LAMA2: variants seen among roughly 807,000 people sequenced by gnomAD.
The protein encoded by LAMA2 is laminin subunit alpha 2, also known as laminin subunit alpha-2.
Under a neutral mutation model 364.8 loss-of-function variants are expected in LAMA2, and 269 were observed. The ratio of observed to expected loss-of-function variants is 0.74; its 90% CI spans 0.67 to 0.82. LAMA2 has a LOEUF of 0.82. Ranked by LOEUF, LAMA2 falls within the 40% of genes least tolerant of loss-of-function variation. The pLI, the probability that LAMA2 is intolerant of heterozygous loss-of-function variation, is 0.00. For missense variants in LAMA2, 3,807 were observed against 3,873.2 expected, an observed-to-expected ratio of 0.98 and a Z score of 0.45; for synonymous variants, 1,379 against 1,370.6, an observed-to-expected ratio of 1.01 and a Z score of -0.14.
intron 40 of LAMA2, among the ~76,000 whole-genome samples, chr6:129,419,402 C>G (rs11154475): frequency 0.44 from 66,931 of 151,866 alleles, 14,918 homozygotes; most frequent in South Asian, 0.48. Flanking sequence ...TCGAAGCCCT[C>G]TAAGAATGGT....
chr6:128,953,813 T>C (rs1028422480), intron 1 of LAMA2, among the ~76,000 whole-genome samples: 1 of 152,100 alleles, frequency 6.6e-6, no homozygotes, highest in African/African-American at 2.4e-5. Flanking sequence ...TTTCCCCCTA[T>C]ACTGAGGGCA....
chr6:129,343,928 A>C (rs1353810874), intron 30 of LAMA2, among the ~76,000 whole-genome samples: 2 of 152,346 alleles, frequency 1.3e-5, no homozygotes, highest in Non-Finnish European at 1.5e-5. Flanking sequence ...TGCTTACAAA[A>C]TACAAGGCAT....
chr6:129,277,132 G>A (rs2114380726), intron 17 of LAMA2, among the ~76,000 whole-genome samples: 1 of 152,224 alleles, frequency 6.6e-6, no homozygotes, highest in South Asian at 2.1e-4. Context: ...TGTGTTTCCT[G>A]TGGCGTGGTT....
intron 58 of LAMA2, among the ~76,000 whole-genome samples, chr6:129,493,000 A>C (rs573594480): frequency 1.3e-5 from 2 of 152,168 alleles, no homozygotes; most frequent in African/African-American, 4.8e-5. Context: ...TCTAAAATAC[A>C]AAAAAATAGC....
rs781116183 is a variant in LAMA2 at position 129,403,944 on chromosome 6, T to G, written c.5850T>G (p.His1950Gln). 1.9e-6 allele frequency: 3 copies of G among 1,613,910 alleles called. No individual in the cohort carries two copies. Among genetic ancestry groups the G allele is most frequent in the Non-Finnish European group, 2.5e-6 (3 of 1,179,862 alleles). ...CCAAAGAAGCCAAAGATCTTGCACATGAAGCTACAAAACTGGTAAGAAACA... is the reference window on the plus strand; with the variant it reads ...CCAAAGAAGCCAAAGATCTTGCACAGGAAGCTACAAAACTGGTAAGAAACA... ...KVAKEAKDLA[H>Q]EATKLATGPR... is the part of the protein sequence containing the mutation. Residue 1950 changes from histidine to glutamine, a missense_variant, in exon 40 of 65, where the codon CAT (histidine) becomes CAG (glutamine). Around this residue, in one of 3 missense-constraint regions of LAMA2, gnomAD observed 3,333 missense variants for 3,345.7 expected, o/e 1.00. Transcript: ENST00000421865.
chr6:129,295,971 GT>G (rs1230101575), intron 20 of LAMA2, among the ~76,000 whole-genome samples: 1 of 151,672 alleles, frequency 6.6e-6, no homozygotes, highest in Non-Finnish European at 1.5e-5. Context: ...GTTTCTGTTT[GT>G]GTGTCTGGTG....
chr6:129,163,718 G>A (rs987655535), intron 8 of LAMA2, among the ~76,000 whole-genome samples: 3 of 152,206 alleles, frequency 2.0e-5, no homozygotes, highest in African/African-American at 7.2e-5. Context: ...ACTTTGGCCT[G>A]TAGACCAAAT....
chr6:129,243,882 G>A (rs1785560656), intron 12 of LAMA2, among the ~76,000 whole-genome samples: 1 of 151,536 alleles, frequency 6.6e-6, no homozygotes, highest in African/African-American at 2.4e-5. Flanking sequence ...AGGAGGAAGA[G>A]GAGAAGGAGA....
At chr6:129,274,960 A>G (rs1331330474) in intron 17 of LAMA2, among the ~76,000 whole-genome samples, 2 of 151,960 alleles carry the variant, frequency 1.3e-5, no homozygotes, top group Non-Finnish European at 2.9e-5. Flanking sequence ...TATATAATAA[A>G]ATATATTATT....
intron 1 of LAMA2, among the ~76,000 whole-genome samples, chr6:128,886,918 A>G (rs1022047497): frequency 6.6e-6 from 1 of 152,214 alleles, no homozygotes; most frequent in Non-Finnish European, 1.5e-5. Context: ...CTCTACTGAG[A>G]GGAAGTTAAG....
chr6:129,377,288 G>A (rs909163851), intron 34 of LAMA2, among the ~76,000 whole-genome samples: 1 of 151,930 alleles, frequency 6.6e-6, no homozygotes, highest in Non-Finnish European at 1.5e-5. Context: ...GTTTTTAAAC[G>A]ATTTAAGTGC....
rs1214826895 is a variant in LAMA2 at position 128,962,185 on chromosome 6, T to TATATATATATACACACACAC, written c.112+78829_112+78830insTATATATATACACACACACA. On this transcript the variant is annotated intron_variant, in intron 1 of 64. Transcript: ENST00000421865. Reference sequence around the variant, plus strand: ...ATATATATATATATATATATATATATACACACATACACACACACATACACA... The same window carrying TATATATATATACACACACAC: ...ATATATATATATATATATATATATATATATATATATACACACACACACACACATACACACACACATACACA... Among the ~76,000 whole-genome samples, 15 of 103,918 alleles carry TATATATATATACACACACAC rather than the reference T, an allele frequency of 1.4e-4. 1 individual carries two copies. The highest frequency in any genetic ancestry group is 5.6e-4 in the African/African-American group (15 of 26,928). The allele number at this position is 103,918 out of a possible 152,430, so 68.2% of individuals were successfully genotyped here. A position where few individuals can be genotyped will look rare whatever the true frequency, so the allele number is the denominator to read the frequency against.
intron 29 of LAMA2, among the ~76,000 whole-genome samples, chr6:129,335,580 T>TA (rs1001325080): frequency 2.0e-5 from 3 of 152,056 alleles, no homozygotes; most frequent in Admixed American, 6.6e-5. Flanking sequence ...AAGAAAATAA[T>TA]AAAAATAAAT....
intron 13 of LAMA2, 126 bp from the exon 14 acceptor site, chr6:129,251,958 A>G: frequency 1.5e-6 from 1 of 656,772 alleles, no homozygotes; most frequent in South Asian, 2.0e-5. Flanking sequence ...ATAAATAAAA[A>G]ATAAACATAA....
chr6:129,171,400 T>G (rs2115003865), intron 9 of LAMA2, among the ~76,000 whole-genome samples: 1 of 152,146 alleles, frequency 6.6e-6, no homozygotes, highest in South Asian at 2.1e-4. Flanking sequence ...CATTTGCTTG[T>G]CTGTAAAGTA....
chr6:128,977,294 G>A (rs1355823152), intron 1 of LAMA2, among the ~76,000 whole-genome samples: 1 of 129,588 alleles, frequency 7.7e-6, no homozygotes, highest in African/African-American at 3.0e-5. Flanking sequence ...AGGTCTTGAC[G>A]TGTTGCCCAG....
chr6:128,987,990 A>T (rs1342365172), intron 1 of LAMA2, among the ~76,000 whole-genome samples: 1 of 152,040 alleles, frequency 6.6e-6, no homozygotes, highest in African/African-American at 2.4e-5. Flanking sequence ...TTCTCCTCCC[A>T]AATAGCTGGG....
chr6:129,513,841 AATGTAATTT>A (rs776772070), intron 63 of LAMA2, among the ~76,000 whole-genome samples: 24 of 152,208 alleles, frequency 1.6e-4, no homozygotes, highest in Non-Finnish European at 2.9e-4. Flanking sequence ...CGGGCTCCAA[AATGTAATTT>A]ATGTAACTCT....
chr6:129,246,547 C>T (rs1785765170), intron 12 of LAMA2, among the ~76,000 whole-genome samples: 1 of 152,182 alleles, frequency 6.6e-6, no homozygotes, highest in South Asian at 2.1e-4. Flanking sequence ...GGCATTGAAA[C>T]TACACGGAAA....
Sources: allele counts gnomAD v4.1 joint callset (sites outside exome capture counted in the v4.1 genomes callset), GRCh38; gene constraint gnomAD v4.1.1; regional missense constraint gnomAD v4.1.1; transcripts MANE v1.5; gene names NCBI Gene and HGNC (gene_info 2026-07-23, HGNC 2026-07-21).